RASSF7: variants seen among roughly 807,000 people sequenced by gnomAD.
RASSF7 encodes Ras association domain family member 7, also known as ras association domain-containing protein 7.
In RASSF7, 41 loss-of-function variants were observed where a neutral mutation model predicts 33.8. The ratio of observed to expected loss-of-function variants is 1.21; its 90% CI spans 0.95 to 1.57. The LOEUF (loss-of-function observed/expected upper bound fraction) is 1.57, where lower values mean the gene tolerates loss of function less well. Ranked by LOEUF, RASSF7 falls within the 40% of genes most tolerant of loss-of-function variation. The probability of loss-of-function intolerance (pLI) is 0.00; values close to 1 mark genes in which losing one functional copy is unlikely to be tolerated. For synonymous variants in RASSF7, 298 were observed against 212.8 expected, an observed-to-expected ratio of 1.40 and a Z score of -3.48; for missense variants, 622 against 497.0, an observed-to-expected ratio of 1.25 and a Z score of -2.39.
At chr11:562,914 G>C (rs1853406340) in intron 3 of RASSF7, 138 bp downstream of exon 3, 2 of 811,104 alleles carry the variant, frequency 2.5e-6, no homozygotes, top group African/African-American at 3.5e-5. Flanking sequence ...GACGTGGGCA[G>C]ATATGGGGGT....
chr11:562,266 A>G lies in RASSF7; in HGVS notation c.312A>G (p.Glu104=), dbSNP rs775998412. 1 of 1,612,942 alleles carries G rather than the reference A, an allele frequency of 6.2e-7. No individual in the cohort carries two copies. The highest frequency in any genetic ancestry group is 1.7e-5 in the Admixed American group (1 of 60,016). Residue 104 remains glutamate, a synonymous_variant, in exon 3 of 6, where the codon GAA becomes GAG. Transcript: ENST00000397583. ...CCTCAGACAGCTGTCCACCCCCGGAACGCTGCCTAATTCGTGCCAGCCTCC... is the reference window on the plus strand; with the variant it reads ...CCTCAGACAGCTGTCCACCCCCGGAGCGCTGCCTAATTCGTGCCAGCCTCC... ...RPSSDSCPPP[E]RCLIRASLPV...
rs999844607 is a variant in RASSF7, at chr11:561,459, G to C, written c.-26G>C. The C allele has an allele frequency of 4.1e-6, 5 of 1,224,954 alleles. No homozygotes were observed. Among genetic ancestry groups the C allele is most frequent in the Non-Finnish European group, 3.1e-6 (3 of 973,014 alleles). The allele number at this position is 1,224,954 out of a possible 1,614,324, so 75.9% of individuals were successfully genotyped here. ...CGCCTCCGCGCCGCCCGGGGAGGGG[G>C]CAGTGTCCTCCGAGCCAGGTGAGGC... On this transcript the variant is annotated 5_prime_UTR_variant, in exon 1 of 6. Coordinates refer to ENST00000397583, the MANE Select transcript of RASSF7 (RefSeq NM_003475.4).
Position 561,824 on chromosome 11 carries a change from G to A in RASSF7, c.56G>A (p.Arg19His). ...AAGGTGTGGGTGGATGGCATCCAGC[G>A]TGTGGTCTGTGGGGTCTCAGAGCAG... Reference protein sequence around the residue: ...ELKVWVDGIQRVVCGVSEQTT... With the variant: ...ELKVWVDGIQHVVCGVSEQTT... The change falls in exon 2 of 6, where the codon CGT becomes CAT. Residue 19 changes from arginine to histidine, a missense_variant. Transcript: ENST00000397583. 2 of 1,613,466 alleles carry A rather than the reference G, an allele frequency of 1.2e-6. No homozygotes were observed. The highest frequency in any genetic ancestry group is 1.7e-6 in the Non-Finnish European group (2 of 1,180,016).
rs1435210531 is a variant in RASSF7, at chr11:561,860, AG to A, written c.94del (p.Glu32LysfsTer6). On this transcript the variant is annotated frameshift_variant, in exon 2 of 6. Coordinates refer to ENST00000397583, the MANE Select transcript of RASSF7 (RefSeq NM_003475.4). LOFTEE classifies it high-confidence loss of function. ...VCGVSEQTTC[Q>X]EVVIALAQAI... ...GGGGTCTCAGAGCAGACCACCTGCC[AG>A]GAAGTGGTCATCGCACTAGCCCAAG... The A allele has an allele frequency of 3.1e-6, 5 of 1,613,446 alleles. No homozygotes were observed.
Position 563,405 on chromosome 11 carries a change from C to T in RASSF7, c.961C>T (p.Pro321Ser), listed in dbSNP as rs145732118. ...ACTTCCCAACCCACAGGGCCCTCTGCCTCCAGCCAGAGAGGAGTCCCTCCT... is the reference window on the plus strand; with the variant it reads ...ACTTCCCAACCCACAGGGCCCTCTGTCTCCAGCCAGAGAGGAGTCCCTCCT... ...RGPPGTQGPL[P>S]PAREESLLGA... Residue 321 changes from proline (P) to serine (S), a missense_variant, in exon 5 of 6, where the codon CCT (proline) becomes TCT (serine). Pro to Ser is a moderately conservative substitution (Grantham distance 74, BLOSUM62 -1). Coordinates refer to ENST00000397583, the MANE Select transcript of RASSF7 (RefSeq NM_003475.4). 4.6e-5 allele frequency: 74 copies of T among 1,611,756 alleles called. No homozygotes were observed. In the African/African-American group the frequency reaches 8.7e-4, roughly 19 times the overall value.
At position 563,846 on chromosome 11, in the gene RASSF7, G is replaced by A. The variant is rs1853450630; in HGVS notation, c.*201G>A. 1.3e-5 allele frequency: 8 copies of A among 598,566 alleles called. No individual in the cohort carries two copies. The highest frequency in any genetic ancestry group is 6.1e-5 in the South Asian group (3 of 49,344). The allele number at this position is 598,566 out of a possible 1,614,324, so 37.1% of individuals were successfully genotyped here. ...GGCGTAGCCAGCTCGGAACTTGCCA[G>A]GCCCCAAAGGCCACGACTGCCTGTT... On this transcript the variant is annotated 3_prime_UTR_variant, in exon 6 of 6. Coordinates refer to ENST00000397583, the MANE Select transcript of RASSF7 (RefSeq NM_003475.4).
chr11:562,603 C>T lies in RASSF7; in HGVS notation c.649C>T (p.Leu217=). Reference sequence around the variant, plus strand: ...GGCCCTGGACGCTCAGGCCCGTGCCCTGGAGGCTGAGCTGCAGCTGGCAGC... The same window carrying T: ...GGCCCTGGACGCTCAGGCCCGTGCCTTGGAGGCTGAGCTGCAGCTGGCAGC... ...LQALDAQARA[L]EAELQLAAEA... Residue 217 remains leucine, a synonymous_variant, in exon 3 of 6, where the codon CTG becomes TTG. Transcript: ENST00000397583. 6.5e-7 allele frequency: 1 copy of T among 1,543,644 alleles called. No individual in the cohort carries two copies. Among genetic ancestry groups the T allele is most frequent in the Non-Finnish European group, 8.7e-7 (1 of 1,146,604 alleles).
rs140192306 is a variant in RASSF7, at chr11:563,412, C to G, written c.968C>G (p.Ala323Gly). 1 of 1,611,822 alleles carries G rather than the reference C, an allele frequency of 6.2e-7. No individual in the cohort carries two copies. The highest frequency in any genetic ancestry group is 1.7e-5 in the Admixed American group (1 of 59,952). ...PPGTQGPLPP[A>G]REESLLGAPS... ...AACCCACAGGGCCCTCTGCCTCCAG[C>G]CAGAGAGGAGTCCCTCCTGGGCGCT... The change falls in exon 5 of 6, where the codon GCC (alanine) becomes GGC (glycine). Residue 323 changes from alanine to glycine, a missense_variant. Physicochemically the swap from Ala to Gly is moderately conservative, Grantham distance 60. Coordinates refer to ENST00000397583, the MANE Select transcript of RASSF7 (RefSeq NM_003475.4).
intron 2 of RASSF7, 55 bp downstream of exon 2, chr11:561,947 G>C: frequency 6.2e-7 from 1 of 1,606,590 alleles, no homozygotes. Context: ...GTGGGACCTG[G>C]TGGTCCAGCT....
intron 4 of RASSF7, 33 bp downstream of exon 4, chr11:563,350 G>C: frequency 6.2e-7 from 1 of 1,607,130 alleles, no homozygotes; most frequent in Non-Finnish European, 8.5e-7. Context: ...GCTGGGAGGT[G>C]AGGACCTGGC....
rs989729558 is a variant in RASSF7 at position 561,846 on chromosome 11, G to A, written c.78G>A (p.Glu26=). The stretch of plus-strand genomic sequence containing the variant: ...AGCGTGTGGTCTGTGGGGTCTCAGA[G>A]CAGACCACCTGCCAGGAAGTGGTCA... ...GIQRVVCGVS[E]QTTCQEVVIA... is the part of the protein sequence containing the mutation. The change falls in exon 2 of 6, where the codon GAG becomes GAA. Residue 26 remains glutamate, a synonymous_variant. Transcript: ENST00000397583. 1.2e-6 allele frequency: 2 copies of A among 1,613,480 alleles called. No individual in the cohort carries two copies. The highest frequency in any genetic ancestry group is 1.1e-5 in the South Asian group (1 of 91,082).
Position 561,476 on chromosome 11 carries a change from A to T in RASSF7, c.-9A>T, listed in dbSNP as rs953181482. The T allele has an allele frequency of 7.9e-7, 1 of 1,262,826 alleles. No individual in the cohort carries two copies. The highest frequency in any genetic ancestry group is 3.5e-5 in the Admixed American group (1 of 28,264). The allele number at this position is 1,262,826 out of a possible 1,614,324, so 78.2% of individuals were successfully genotyped here. A position where few individuals can be genotyped will look rare whatever the true frequency, so the allele number is the denominator to read the frequency against. ...GGGAGGGGGCAGTGTCCTCCGAGCC[A>T]GGTGAGGCGAGTAGGAAATGCTGGA... On this transcript the variant is annotated splice_region_variant and 5_prime_UTR_variant, in exon 1 of 6. Coordinates refer to ENST00000397583, the MANE Select transcript of RASSF7 (RefSeq NM_003475.4).
In RASSF7 at chr11:562,652, C is replaced by G. The variant is rs977790098; in HGVS notation, c.698C>G (p.Pro233Arg). ...GCGGAGGCCCCTGGGCCCCCCTCAC[C>G]TATGGCATCTGCCACTGAGCGCCTG... is the stretch of plus-strand genomic sequence containing the variant. ...LAAEAPGPPS[P>R]MASATERLHQ... Residue 233 changes from proline to arginine, a missense_variant, in exon 3 of 6, where the codon CCT becomes CGT. Coordinates refer to ENST00000397583, the MANE Select transcript of RASSF7 (RefSeq NM_003475.4). The G allele has an allele frequency of 1.6e-5, 25 of 1,543,714 alleles. No individual in the cohort carries two copies. The highest frequency in any genetic ancestry group is 2.1e-5 in the Non-Finnish European group (24 of 1,146,860).
intron 3 of RASSF7, 66 bp from the exon 4 acceptor site, chr11:563,123 C>A: frequency 6.9e-7 from 1 of 1,450,072 alleles, no homozygotes; most frequent in Non-Finnish European, 9.3e-7. Flanking sequence ...GGAAAGTGCT[C>A]CCTCCGGAGC....
chr11:563,055 C>T lies in RASSF7; in HGVS notation c.823-134C>T, dbSNP rs537359377. The T allele has an allele frequency of 1.6e-5, 14 of 888,386 alleles. No individual in the cohort carries two copies. The Admixed American group carries it at 1.8e-4, about 11-fold the overall frequency. The allele number at this position is 888,386 out of a possible 1,614,324, so 55.0% of individuals were successfully genotyped here. ...GGCAGGTGAGCCCGGGGACCTGATC[C>T]CCTGTCACTCCCCAACCCCTGACGT... is the stretch of plus-strand genomic sequence containing the variant. On this transcript the variant is annotated intron_variant, in intron 3 of 5. Coordinates refer to ENST00000397583, the MANE Select transcript of RASSF7 (RefSeq NM_003475.4).
In RASSF7 at chr11:563,491, C is replaced by A. The variant is rs200004078; in HGVS notation, c.1034+13C>A. On this transcript the variant is annotated intron_variant, in intron 5 of 5. Coordinates refer to ENST00000397583, the MANE Select transcript of RASSF7 (RefSeq NM_003475.4). ...CTAGGCCCCGAGGGTATGTCTGTGC[C>A]CCACCTCCCCCTGGGGCACCGGGCC... The A allele has an allele frequency of 1.2e-6, 2 of 1,609,358 alleles. No homozygotes were observed. Among genetic ancestry groups the A allele is most frequent in the African/African-American group, 2.7e-5 (2 of 74,838 alleles).
Position 563,633 on chromosome 11 carries a change from C to T in RASSF7, c.1110C>T (p.Pro370=), listed in dbSNP as rs1447617279. The T allele has an allele frequency of 5.6e-6, 9 of 1,610,248 alleles. No homozygotes were observed. The highest frequency in any genetic ancestry group is 7.6e-6 in the Non-Finnish European group (9 of 1,179,716). ...APEWCPLAAQ[P]QAL is the part of the protein sequence containing the mutation. ...AGTGGTGTCCTCTGGCAGCCCAGCC[C>T]CAGGCTCTGTGACAGCCTAGTGAGG... Residue 370 remains proline, a synonymous_variant, in exon 6 of 6, where the codon CCC becomes CCT. Coordinates refer to ENST00000397583, the MANE Select transcript of RASSF7 (RefSeq NM_003475.4).
At chr11:563,073 C>T (rs1853417467) in intron 3 of RASSF7, 116 bp from the exon 4 acceptor site, 10 of 1,058,510 alleles carry the variant, frequency 9.4e-6, no homozygotes, top group Non-Finnish European at 1.3e-5. Context: ...CTCCCCAACC[C>T]CTGACGTGGG....
Position 563,452 on chromosome 11 carries a change from T to C in RASSF7, c.1008T>C (p.His336=). 4 of 1,611,594 alleles carry C rather than the reference T, an allele frequency of 2.5e-6. No homozygotes were observed. The highest frequency in any genetic ancestry group is 3.4e-6 in the Non-Finnish European group (4 of 1,179,536). The part of the protein sequence containing the change: ...ESLLGAPSES[H]AGAQPRPRGG... The stretch of plus-strand genomic sequence containing the variant: ...TCCTGGGCGCTCCCTCTGAGTCCCA[T>C]GCTGGTGCCCAGCCTAGGCCCCGAG... Residue 336 remains histidine (H), a synonymous_variant, in exon 5 of 6, where the codon CAT becomes CAC. Transcript: ENST00000397583.
Sources: gnomAD v4.1 joint callset for allele counts on GRCh38, gnomAD v4.1.1 for gene constraint, MANE v1.5 for transcripts, NCBI Gene and HGNC (gene_info 2026-07-23, HGNC 2026-07-21) for gene names.